CNPY1: variants seen among roughly 807,000 people sequenced by gnomAD.
The protein encoded by CNPY1 is canopy FGF signaling regulator 1.
A neutral mutation model predicts 14.4 loss-of-function variants in CNPY1; 14 were observed. The observed-to-expected ratio is 0.97, with a 90% CI of 0.64 to 1.52. The LOEUF is 1.52. Among genes scored for constraint, CNPY1 ranks in the 40% most tolerant of loss-of-function variants. The pLI, the probability that CNPY1 is intolerant of heterozygous loss-of-function variation, is 0.00. For synonymous variants in CNPY1, 43 were observed against 46.5 expected (o/e 0.92, Z 0.31); for missense variants, 129 against 131.5 (o/e 0.98, Z 0.09).
At chr7:155,544,853 A>C (rs1797140707) in intron 2 of CNPY1, among the ~76,000 whole-genome samples, 1 of 152,238 alleles carries the variant, frequency 6.6e-6, no homozygotes, top group African/African-American at 2.4e-5. Context: ...CTGAGAGCCC[A>C]GCCCTCTCCT....
chr7:155,533,398 CAA>C (rs1391218852), intron 2 of CNPY1, among the ~76,000 whole-genome samples: 1 of 152,232 alleles, frequency 6.6e-6, no homozygotes, highest in Non-Finnish European at 1.5e-5. Flanking sequence ...GCTCTCCACG[CAA>C]AGTTAACGTT....
At chr7:155,531,754 G>C (rs751039843) in intron 2 of CNPY1, among the ~76,000 whole-genome samples, 9 of 152,228 alleles carry the variant, frequency 5.9e-5, no homozygotes, top group Non-Finnish European at 8.8e-5. Flanking sequence ...GGGAATCCCA[G>C]CAAGAATGTC....
intron 2 of CNPY1, among the ~76,000 whole-genome samples, chr7:155,530,980 CTCAG>C (rs1796928049): frequency 6.6e-6 from 1 of 152,252 alleles, no homozygotes; most frequent in South Asian, 2.1e-4. Flanking sequence ...GAAACTTGGG[CTCAG>C]TCATTCTCCT....
At chr7:155,527,059 T>TTCTTTC (rs1585323187) in intron 2 of CNPY1, among the ~76,000 whole-genome samples, 2 of 141,808 alleles carry the variant, frequency 1.4e-5, no homozygotes, top group Admixed American at 7.2e-5. Context: ...TCTTTCTTTT[T>TTCTTTC]TTTTTTTTTT....
In CNPY1 at chr7:155,502,003, T is replaced by TGGGGGTGGG. The variant is rs1796128505; in HGVS notation, c.*1064_*1065insCCCACCCCC. ...GCAAAGAGTTTTGGGTCGGGGGGGT[T>TGGGGGTGGG]GGGGGGGGGATTTGTAGCATCCTAC... On this transcript the variant is annotated 3_prime_UTR_variant, in exon 5 of 5. Coordinates refer to ENST00000636446, the MANE Select transcript of CNPY1 (RefSeq NM_001393663.1). 8.0e-6 allele frequency: 1 copy of TGGGGGTGGG among 125,326 alleles called. No homozygotes were observed. Among genetic ancestry groups the TGGGGGTGGG allele is most frequent in the Non-Finnish European group, 1.7e-5 (1 of 60,134 alleles). 7.8% of individuals were successfully genotyped at this position (125,326 alleles called of 1,614,324 possible). A position where few individuals can be genotyped will look rare whatever the true frequency, so the allele number is the denominator to read the frequency against.
intron 4 of CNPY1, among the ~76,000 whole-genome samples, chr7:155,505,996 A>C (rs552448176): frequency 1.3e-5 from 2 of 152,364 alleles, no homozygotes; most frequent in South Asian, 4.1e-4. Context: ...AAACAAAAAA[A>C]ACAAAACTTT....
chr7:155,522,356 C>A (rs1263000906), intron 2 of CNPY1, among the ~76,000 whole-genome samples: 1 of 152,266 alleles, frequency 6.6e-6, no homozygotes, highest in African/African-American at 2.4e-5. Context: ...TCTGCCCATG[C>A]CATCATGTGG....
At chr7:155,525,468 T>G (rs1382856635) in intron 2 of CNPY1, among the ~76,000 whole-genome samples, 6 of 141,240 alleles carry the variant, frequency 4.2e-5, no homozygotes, top group Non-Finnish European at 1.6e-5. Flanking sequence ...CACACCCAGC[T>G]CATCTTTCTT....
chr7:155,509,736 C>T (rs915422323), intron 2 of CNPY1, among the ~76,000 whole-genome samples: 6 of 152,202 alleles, frequency 3.9e-5, no homozygotes, highest in African/African-American at 1.4e-4. Flanking sequence ...GGCGCCCCAT[C>T]TCCCAGGCGG....
At chr7:155,518,982 T>C (rs1448275566) in intron 2 of CNPY1, among the ~76,000 whole-genome samples, 1 of 152,212 alleles carries the variant, frequency 6.6e-6, no homozygotes, top group Non-Finnish European at 1.5e-5. Context: ...AGAAATGGGT[T>C]TCAATGCTTA....
intron 2 of CNPY1, among the ~76,000 whole-genome samples, chr7:155,521,050 AG>A (rs781402739): frequency 1.2e-4 from 15 of 129,056 alleles, no homozygotes; most frequent in African/African-American, 4.2e-4. Context: ...TGAAAAAAAA[AG>A]AAAGAAGGAA....
At chr7:155,505,656 A>T (rs553008135) in intron 4 of CNPY1, among the ~76,000 whole-genome samples, 1 of 152,368 alleles carries the variant, frequency 6.6e-6, no homozygotes, top group African/African-American at 2.4e-5. Context: ...TGCGTTTGTC[A>T]TAGACCACGT....
chr7:155,531,780 C>T (rs1407016362), intron 2 of CNPY1, among the ~76,000 whole-genome samples: 5 of 152,208 alleles, frequency 3.3e-5, no homozygotes, highest in Non-Finnish European at 7.3e-5. Context: ...CAATGGGTGC[C>T]GGCCTAAGAG....
chr7:155,524,020 C>T (rs1796774347), intron 2 of CNPY1, among the ~76,000 whole-genome samples: 1 of 152,128 alleles, frequency 6.6e-6, no homozygotes, highest in South Asian at 2.1e-4. Flanking sequence ...GATTTTCCCT[C>T]TGAGCCCCCA....
chr7:155,528,692 C>T lies in CNPY1; in HGVS notation c.99+17139G>A, dbSNP rs937863437. Among the ~76,000 whole-genome samples the T allele has an allele frequency of 2.0e-5, 3 of 152,220 alleles. No homozygotes were observed. In the East Asian group the frequency reaches 5.8e-4, roughly 29 times the overall value. On this transcript the variant is annotated intron_variant, in intron 2 of 4. Coordinates refer to ENST00000636446, the MANE Select transcript of CNPY1 (RefSeq NM_001393663.1). ...GTCAGAGACTCCCATCTTTGAAGCACGGCCTTCTTGGTCTTCCTGCACTTC... is the reference window on the plus strand; with the variant it reads ...GTCAGAGACTCCCATCTTTGAAGCATGGCCTTCTTGGTCTTCCTGCACTTC...
At chr7:155,504,689 A>ACACACACAC (rs1274638625) in intron 4 of CNPY1, among the ~76,000 whole-genome samples, 6 of 145,198 alleles carry the variant, frequency 4.1e-5, no homozygotes, top group African/African-American at 1.0e-4. Flanking sequence ...CATACCCCCC[A>ACACACACAC]ACACACACAC....
chr7:155,506,237 A>G (rs528071756), intron 4 of CNPY1, among the ~76,000 whole-genome samples: 1 of 152,336 alleles, frequency 6.6e-6, no homozygotes, highest in African/African-American at 2.4e-5. Context: ...CATTGTCTTC[A>G]TATCTACTCA....
intron 2 of CNPY1, among the ~76,000 whole-genome samples, chr7:155,534,088 G>A (rs1005352703): frequency 3.5e-4 from 54 of 152,300 alleles, no homozygotes; most frequent in Admixed American, 3.2e-3. Flanking sequence ...TGACATGCCT[G>A]CCCTGTATGT....
At chr7:155,509,832 A>G (rs994035481) in intron 2 of CNPY1, among the ~76,000 whole-genome samples, 2 of 151,996 alleles carry the variant, frequency 1.3e-5, no homozygotes, top group Admixed American at 1.3e-4. Flanking sequence ...ATTCAGCTGG[A>G]CCCTTTGGCC....
Sources: gnomAD v4.1 joint callset for allele counts (sites outside exome capture counted in the v4.1 genomes callset) on GRCh38, gnomAD v4.1.1 for gene constraint, MANE v1.5 for transcripts, NCBI Gene and HGNC (gene_info 2026-07-23, HGNC 2026-07-21) for gene names.